PDIA5: variants seen among roughly 807,000 people sequenced by gnomAD.
PDIA5 encodes protein disulfide isomerase family A member 5, also known as protein disulfide-isomerase A5.
Under a neutral mutation model 77.6 loss-of-function variants are expected in PDIA5, and 58 were observed. That is an observed-to-expected ratio of 0.75 (90% CI 0.61 to 0.93). The LOEUF (loss-of-function observed/expected upper bound fraction) is 0.93, where lower values mean the gene tolerates loss of function less well. Ranked by LOEUF, PDIA5 falls within the 40% of genes least tolerant of loss-of-function variation. The probability of loss-of-function intolerance (pLI) is 0.00; values close to 1 mark genes in which losing one functional copy is unlikely to be tolerated. For missense variants in PDIA5, 630 were observed against 647.7 expected, an observed-to-expected ratio of 0.97 and a Z score of 0.30; for synonymous variants, 250 against 252.1, an observed-to-expected ratio of 0.99 and a Z score of 0.08.
chr3:123,120,254 G>T (rs185005093), intron 8 of PDIA5, among the ~76,000 whole-genome samples: 3 of 152,322 alleles, frequency 2.0e-5, no homozygotes. Flanking sequence ...TACAGACCAG[G>T]CTCTAGTGCT....
intron 6 of PDIA5, among the ~76,000 whole-genome samples, chr3:123,110,511 A>C (rs2107941268): frequency 6.6e-6 from 1 of 152,292 alleles, no homozygotes; most frequent in Non-Finnish European, 1.5e-5. Flanking sequence ...AGCCACCCGC[A>C]GCACAACAAA....
chr3:123,159,335 A>G (rs1276278324), intron 15 of PDIA5, among the ~76,000 whole-genome samples: 3 of 152,024 alleles, frequency 2.0e-5, no homozygotes, highest in African/African-American at 7.2e-5. Context: ...CCAGGGGAGC[A>G]TCTGCCTCAT....
intron 11 of PDIA5, among the ~76,000 whole-genome samples, chr3:123,131,209 G>T (rs1180154006): frequency 2.6e-5 from 4 of 152,096 alleles, no homozygotes; most frequent in Non-Finnish European, 5.9e-5. Flanking sequence ...GGTTGAGGCT[G>T]CAGTGAACTG....
intron 11 of PDIA5, among the ~76,000 whole-genome samples, chr3:123,133,602 C>G (rs949854804): frequency 6.6e-6 from 1 of 152,188 alleles, no homozygotes; most frequent in African/African-American, 2.4e-5. Flanking sequence ...GAAGCATCCC[C>G]TGGATACATT....
intron 4 of PDIA5, 43 bp from the exon 5 acceptor site, chr3:123,102,708 C>T: frequency 6.7e-7 from 1 of 1,488,746 alleles, no homozygotes; most frequent in Non-Finnish European, 9.4e-7. Flanking sequence ...TGTATCTTCA[C>T]AACCATTCTT....
At chr3:123,113,057 C>T (rs896822624) in intron 7 of PDIA5, among the ~76,000 whole-genome samples, 1 of 152,134 alleles carries the variant, frequency 6.6e-6, no homozygotes, top group African/African-American at 2.4e-5. Flanking sequence ...TTGGTTTCAC[C>T]CCTTTTTGTT....
intron 3 of PDIA5, among the ~76,000 whole-genome samples, chr3:123,099,374 T>C (rs562105627): frequency 6.6e-6 from 1 of 152,324 alleles, no homozygotes; most frequent in East Asian, 1.9e-4. Flanking sequence ...GCCCTTGGCT[T>C]CACGGAGCAC....
At chr3:123,114,255 C>T (rs138860407) in intron 7 of PDIA5, among the ~76,000 whole-genome samples, 10 of 152,310 alleles carry the variant, frequency 6.6e-5, no homozygotes, top group African/African-American at 2.2e-4. Context: ...AGTCACTGAG[C>T]GAAGAATGAG....
chr3:123,067,398 C>A (rs759576169), intron 1 of PDIA5, 192 bp downstream of exon 1: 2 of 459,928 alleles, frequency 4.3e-6, no homozygotes, highest in South Asian at 1.2e-4. Flanking sequence ...GCCCTCGCCG[C>A]CAAGCGCTCC....
At chr3:123,089,816 G>A (rs1162592907) in intron 2 of PDIA5, among the ~76,000 whole-genome samples, 1 of 152,234 alleles carries the variant, frequency 6.6e-6, no homozygotes, top group Non-Finnish European at 1.5e-5. Flanking sequence ...TTTGGAGTGG[G>A]CTCTAAGCTT....
Position 123,116,214 on chromosome 3 carries a change from C to T in PDIA5, c.542-17C>T. On this transcript the variant is annotated splice_polypyrimidine_tract_variant and intron_variant, in intron 7 of 16. Coordinates refer to ENST00000316218, the MANE Select transcript of PDIA5 (RefSeq NM_006810.4). ...ATCCCTGTAACCGGATGTGGTCTCT[C>T]TCCTGCCTGTGACCAGGGTGCAGCA... 6.2e-7 allele frequency: 1 copy of T among 1,612,516 alleles called. No individual in the cohort carries two copies. The highest frequency in any genetic ancestry group is 8.5e-7 in the Non-Finnish European group (1 of 1,178,610).
chr3:123,080,137 C>T (rs1933959753), intron 1 of PDIA5, among the ~76,000 whole-genome samples: 1 of 151,622 alleles, frequency 6.6e-6, no homozygotes, highest in African/African-American at 2.4e-5. Context: ...GTGTGATAGG[C>T]TGACAGATGG....
intron 2 of PDIA5, 41 bp from the exon 3 acceptor site, chr3:123,092,314 C>A: frequency 6.6e-7 from 1 of 1,514,430 alleles, no homozygotes; most frequent in South Asian, 1.1e-5. Context: ...GACCCAGTGC[C>A]CTTGGTCACA....
intron 1 of PDIA5, among the ~76,000 whole-genome samples, chr3:123,085,870 T>C (rs1934125189): frequency 6.6e-6 from 1 of 152,248 alleles, no homozygotes; most frequent in African/African-American, 2.4e-5. Flanking sequence ...GATTATTTTT[T>C]TTCCCTTTAA....
chr3:123,151,899 G>GCCTGCCTTCCTT (rs1935913825), intron 14 of PDIA5, among the ~76,000 whole-genome samples: 1 of 120,650 alleles, frequency 8.3e-6, no homozygotes, highest in Admixed American at 8.4e-5. Context: ...CTTCCTTCCT[G>GCCTGCCTTCCTT]CCTGCCTTCC....
chr3:123,124,125 C>T lies in PDIA5; in HGVS notation c.669C>T (p.Ser223=), dbSNP rs1277184579. Residue 223 remains serine (S), a synonymous_variant, in exon 9 of 17, where the codon AGC becomes AGT. Transcript: ENST00000316218. ...SEFENIKEEY[S]VRGFPTICYF... ...TTGAAAACATCAAGGAGGAGTACAG[C>T]GTGCGCGGCTTCCCCACCATCTGCT... 2.8e-5 allele frequency: 45 copies of T among 1,613,816 alleles called. No individual in the cohort carries two copies. The highest frequency in any genetic ancestry group is 3.5e-5 in the Non-Finnish European group (41 of 1,179,834).
At chr3:123,145,434 G>A in intron 11 of PDIA5, 88 bp from the exon 12 acceptor site, 2 of 893,152 alleles carry the variant, frequency 2.2e-6, no homozygotes, top group Non-Finnish European at 3.7e-6. Flanking sequence ...CTGGGAATGG[G>A]ACTGAGCTGC....
chr3:123,079,431 C>T (rs1253704011), intron 1 of PDIA5, among the ~76,000 whole-genome samples: 3 of 152,062 alleles, frequency 2.0e-5, no homozygotes, highest in African/African-American at 7.2e-5. Flanking sequence ...CCGCCCACCT[C>T]GGCCTCCCAA....
intron 2 of PDIA5, among the ~76,000 whole-genome samples, chr3:123,089,794 T>G (rs1934237230): frequency 6.6e-6 from 1 of 152,228 alleles, no homozygotes; most frequent in Non-Finnish European, 1.5e-5. Context: ...TGGGGTCAGA[T>G]GCAAGACTGA....
Sources: gnomAD v4.1 joint callset for allele counts (sites outside exome capture counted in the v4.1 genomes callset) on GRCh38, gnomAD v4.1.1 for gene constraint, MANE v1.5 for transcripts, NCBI Gene and HGNC (gene_info 2026-07-23, HGNC 2026-07-21) for gene names.